The following KDM4C variants were observed in gnomAD, a reference collection of about 807,000 sequenced individuals.
KDM4C encodes the protein lysine-specific demethylase 4C.
A neutral mutation model predicts 129.3 loss-of-function variants in KDM4C; 81 were observed. The ratio of observed to expected loss-of-function variants is 0.63; its 90% confidence interval spans 0.52 to 0.75. KDM4C has a LOEUF of 0.75. Ranked by LOEUF, KDM4C falls within the 30% of genes least tolerant of loss-of-function variation. KDM4C has a pLI of 0.00. For synonymous variants in KDM4C, 573 were observed against 456.1 expected, an observed-to-expected ratio of 1.26 and a Z score of -3.26; for missense variants, 1,457 against 1,304.0, an observed-to-expected ratio of 1.12 and a Z score of -1.81.
intron 4 of KDM4C, among the ~76,000 whole-genome samples, chr9:6,838,881 T>G (rs1836377699): frequency 6.6e-6 from 1 of 152,236 alleles, no homozygotes. Flanking sequence ...CAGTCTATAT[T>G]AAAGTGTAGA....
intron 6 of KDM4C, among the ~76,000 whole-genome samples, chr9:6,883,189 C>G (rs1352097255): frequency 6.6e-6 from 1 of 152,128 alleles, no homozygotes; most frequent in African/African-American, 2.4e-5. Context: ...TTTATTAGCT[C>G]TCAAAATGGT....
At chr9:6,722,479 G>A (rs1450052464) in intron 1 of KDM4C, among the ~76,000 whole-genome samples, 6 of 151,720 alleles carry the variant, frequency 4.0e-5, no homozygotes, top group Non-Finnish European at 7.4e-5. Flanking sequence ...GGAGTTTGAC[G>A]CAAGCCTGAG....
Position 7,043,670 on chromosome 9 carries a change from T to C in KDM4C, c.2260-3192T>C, listed in dbSNP as rs552516912. Among the ~76,000 whole-genome samples the C allele has an allele frequency of 2.4e-4, 37 of 152,034 alleles. 1 individual carries two copies. Among genetic ancestry groups the C allele is most frequent in the Admixed American group, 2.2e-3 (33 of 15,270 alleles). ...CAAATGATGTAACTTGACATGACTT[T>C]GGTTGTTTCCTACTTTTTTTTTTTC... On this transcript the variant is annotated intron_variant, in intron 15 of 21. Transcript: ENST00000381309.
chr9:6,773,233 C>G (rs1284846840), intron 1 of KDM4C, among the ~76,000 whole-genome samples: 1 of 151,900 alleles, frequency 6.6e-6, no homozygotes, highest in Non-Finnish European at 1.5e-5. Flanking sequence ...AACTCCTGAG[C>G]TTAAGCGATC....
At chr9:7,011,229 T>A (rs1268327365) in intron 12 of KDM4C, among the ~76,000 whole-genome samples, 1 of 152,212 alleles carries the variant, frequency 6.6e-6, no homozygotes, top group African/African-American at 2.4e-5. Flanking sequence ...AGAATTTAAT[T>A]CAATGAAGTT....
chr9:6,944,546 G>C (rs181680990), intron 8 of KDM4C, among the ~76,000 whole-genome samples: 85 of 150,630 alleles, frequency 5.6e-4, no homozygotes, highest in Admixed American at 2.3e-3. Context: ...TTTTCATTGT[G>C]AAAGTTAAAT....
intron 18 of KDM4C, among the ~76,000 whole-genome samples, chr9:7,110,725 C>T (rs13293091): frequency 0.026 from 3,944 of 152,240 alleles, 76 homozygotes; most frequent in Non-Finnish European, 0.042. Flanking sequence ...ATATTTTAAA[C>T]CTATTGAAGA....
chr9:6,961,874 T>C (rs931972849), intron 8 of KDM4C, among the ~76,000 whole-genome samples: 3 of 152,174 alleles, frequency 2.0e-5, no homozygotes, highest in African/African-American at 7.2e-5. Context: ...TAGCTTATGG[T>C]GTTTTAAGGA....
upstream of KDM4C, among the ~76,000 whole-genome samples, chr9:6,755,814 T>G (rs1227628446): frequency 6.6e-6 from 1 of 152,288 alleles, no homozygotes; most frequent in Non-Finnish European, 1.5e-5. Flanking sequence ...CTCAGTGCCA[T>G]GAGTCCAGTT....
chr9:6,851,084 A>T (rs1031607968), intron 5 of KDM4C, among the ~76,000 whole-genome samples: 1 of 152,184 alleles, frequency 6.6e-6, no homozygotes, highest in East Asian at 1.9e-4. Context: ...GTGGTCTAGG[A>T]CTCATACAGG....
At chr9:6,760,526 C>T (rs941267916) in intron 1 of KDM4C, among the ~76,000 whole-genome samples, 1 of 148,984 alleles carries the variant, frequency 6.7e-6, no homozygotes, top group Middle Eastern at 3.6e-3. Flanking sequence ...GATAGTTAGT[C>T]TTGGGTGATA....
intron 1 of KDM4C, among the ~76,000 whole-genome samples, chr9:6,739,196 C>A (rs538683107): frequency 6.6e-6 from 1 of 151,976 alleles, no homozygotes; most frequent in South Asian, 2.1e-4. Context: ...CCTCAGCTTC[C>A]CGAGTAGCTG....
intron 8 of KDM4C, among the ~76,000 whole-genome samples, chr9:6,951,829 T>G (rs1828204117): frequency 6.6e-6 from 1 of 152,216 alleles, no homozygotes; most frequent in South Asian, 2.1e-4. Context: ...GTATGTGAAT[T>G]GGGTATGAAG....
chr9:7,148,324 T>C (rs975201632), intron 19 of KDM4C, among the ~76,000 whole-genome samples: 2 of 152,198 alleles, frequency 1.3e-5, no homozygotes, highest in African/African-American at 4.8e-5. Context: ...CACAGTGCGG[T>C]GAGCCGGGGG....
intron 1 of KDM4C, among the ~76,000 whole-genome samples, chr9:6,736,642 T>C (rs1466144241): frequency 6.6e-6 from 1 of 152,114 alleles, no homozygotes; most frequent in Admixed American, 6.6e-5. Context: ...AGTCAGACTA[T>C]CTCTGTTGTA....
Position 7,161,318 on chromosome 9 carries a change from T to C in KDM4C, c.2782-3920T>C, listed in dbSNP as rs1843762569. Among the ~76,000 whole-genome samples, 4 of 152,174 alleles carry C rather than the reference T, an allele frequency of 2.6e-5. 1 individual carries two copies. Among genetic ancestry groups the C allele is most frequent in the Admixed American group, 2.0e-4 (3 of 15,272 alleles). Reference sequence around the variant, plus strand: ...GGTGATGCCCCACCCTGCTTCAGCTTGCCCTCTGTGGGCTGCACCCACTGT... The same window carrying C: ...GGTGATGCCCCACCCTGCTTCAGCTCGCCCTCTGTGGGCTGCACCCACTGT... On this transcript the variant is annotated intron_variant, in intron 19 of 21. Coordinates refer to ENST00000381309, the MANE Select transcript of KDM4C (RefSeq NM_015061.6).
chr9:7,051,351 A>T (rs1187847220), intron 17 of KDM4C, among the ~76,000 whole-genome samples: 1 of 152,180 alleles, frequency 6.6e-6, no homozygotes, highest in East Asian at 1.9e-4. Context: ...AGTCCACTGC[A>T]GTCCAGTGTC....
chr9:7,153,348 C>A (rs996122084), intron 19 of KDM4C, among the ~76,000 whole-genome samples: 1 of 152,144 alleles, frequency 6.6e-6, no homozygotes, highest in Non-Finnish European at 1.5e-5. Context: ...TCAGAGTAGC[C>A]CCCTTGAGAG....
intron 8 of KDM4C, among the ~76,000 whole-genome samples, chr9:6,914,454 T>C (rs938979770): frequency 7.9e-5 from 12 of 152,202 alleles, no homozygotes; most frequent in Non-Finnish European, 7.3e-5. Flanking sequence ...AATACCGTTA[T>C]GATATGCCAC....
Sources: gnomAD v4.1 joint callset for allele counts (sites outside exome capture counted in the v4.1 genomes callset) on GRCh38, gnomAD v4.1.1 for gene constraint, MANE v1.5 for transcripts, NCBI Gene and HGNC (gene_info 2026-07-23, HGNC 2026-07-21) for gene names.